Variants in WWOX observed in about 807,000 individuals in gnomAD.
The protein encoded by WWOX is WW domain containing oxidoreductase, also known as WW domain-containing oxidoreductase.
Under a neutral mutation model 46.2 loss-of-function variants are expected in WWOX, and 69 were observed. The ratio of observed to expected loss-of-function variants is 1.49; its 90% CI spans 1.23 to 1.82. WWOX has a LOEUF of 1.82. Ranked by LOEUF, WWOX falls within the 40% of genes most tolerant of loss-of-function variation. WWOX has a pLI of 0.00. For missense variants in WWOX, 919 were observed against 542.6 expected, an observed-to-expected ratio of 1.69 and a Z score of -6.89; for synonymous variants, 359 against 202.6, an observed-to-expected ratio of 1.77 and a Z score of -6.56.
At chr16:78,752,069 T>A in intron 8 of WWOX, among the ~76,000 whole-genome samples, 1 of 152,202 alleles carries the variant, frequency 6.6e-6, no homozygotes, top group Non-Finnish European at 1.5e-5. Flanking sequence ...ACATAAATTC[T>A]AACATTGGTA....
At chr16:79,070,510 G>A (rs964410685) in intron 8 of WWOX, among the ~76,000 whole-genome samples, 7 of 152,132 alleles carry the variant, frequency 4.6e-5, no homozygotes, top group African/African-American at 9.7e-5. Context: ...AGGGTGGAGC[G>A]TCTGCCTTCT....
At chr16:78,781,952 A>G (rs1227319709) in intron 8 of WWOX, among the ~76,000 whole-genome samples, 3 of 152,178 alleles carry the variant, frequency 2.0e-5, no homozygotes, top group Non-Finnish European at 4.4e-5. Context: ...TATTCTCTTC[A>G]TTCTCCAAGT....
intron 8 of WWOX, among the ~76,000 whole-genome samples, chr16:78,545,312 C>T (rs2044002378): frequency 6.6e-6 from 1 of 152,134 alleles, no homozygotes. Context: ...GAAATGGTTA[C>T]CTGCAGGGCG....
Position 78,897,111 on chromosome 16 carries a change from A to C in WWOX, c.1057-314497A>C, listed in dbSNP as rs144471668. On this transcript the variant is annotated intron_variant, in intron 8 of 8. Transcript: ENST00000566780. Reference sequence around the variant, plus strand: ...AAAAAAAAGAAAAAAATAGCTGGCCATTGTGACATATGCCTGTAACCGTAG... The same window carrying C: ...AAAAAAAAGAAAAAAATAGCTGGCCCTTGTGACATATGCCTGTAACCGTAG... The C allele has an allele frequency of 2.6e-5, 4 of 151,584 alleles. No individual in the cohort carries two copies. The East Asian group carries it at 5.8e-4, about 22-fold the overall frequency. 9.4% of individuals were successfully genotyped at this position (151,584 alleles called of 1,614,324 possible). A position where few individuals can be genotyped will look rare whatever the true frequency, so the allele number is the denominator to read the frequency against.
intron 8 of WWOX, among the ~76,000 whole-genome samples, chr16:78,996,863 C>G (rs1206136206): frequency 6.6e-6 from 1 of 152,208 alleles, no homozygotes; most frequent in Non-Finnish European, 1.5e-5. Flanking sequence ...GACACATGTG[C>G]CATAAATGCT....
intron 5 of WWOX, among the ~76,000 whole-genome samples, chr16:78,326,030 C>G (rs2080604847): frequency 1.3e-5 from 2 of 152,166 alleles, no homozygotes; most frequent in Non-Finnish European, 2.9e-5. Context: ...TCAGAGTTAT[C>G]TAGCATTGTA....
chr16:79,024,561 G>A (rs935625277), intron 8 of WWOX, among the ~76,000 whole-genome samples: 5 of 152,108 alleles, frequency 3.3e-5, no homozygotes, highest in African/African-American at 1.2e-4. Flanking sequence ...AGCCTCCCGA[G>A]TAGCTGGGAC....
chr16:79,083,546 C>G (rs1026871910), intron 8 of WWOX, among the ~76,000 whole-genome samples: 2 of 152,190 alleles, frequency 1.3e-5, no homozygotes, highest in African/African-American at 2.4e-5. Context: ...AAACCTCACA[C>G]CAGTGTTGTT....
chr16:78,420,944 C>T (rs930962517), intron 6 of WWOX, among the ~76,000 whole-genome samples: 39 of 152,104 alleles, frequency 2.6e-4, no homozygotes, highest in African/African-American at 8.7e-4. Flanking sequence ...ATTTTAATTT[C>T]CTGCTTTTTC....
intron 8 of WWOX, among the ~76,000 whole-genome samples, chr16:79,208,083 G>C (rs552947425): frequency 2.0e-5 from 3 of 152,314 alleles, no homozygotes; most frequent in South Asian, 2.1e-4. Context: ...TTTTGAAAGA[G>C]AATGATGAAT....
At chr16:78,894,084 G>C (rs2044650506) in intron 8 of WWOX, among the ~76,000 whole-genome samples, 1 of 145,548 alleles carries the variant, frequency 6.9e-6, no homozygotes, top group African/African-American at 2.5e-5. Flanking sequence ...TCTTGCCCAG[G>C]AAGGAGTGCA....
At chr16:78,335,363 C>G (rs543761845) in intron 5 of WWOX, among the ~76,000 whole-genome samples, 2 of 152,146 alleles carry the variant, frequency 1.3e-5, no homozygotes, top group Non-Finnish European at 2.9e-5. Flanking sequence ...CACTTATAAA[C>G]GAGAGCATGC....
At chr16:78,388,093 A>T (rs1241115034) in intron 6 of WWOX, among the ~76,000 whole-genome samples, 2 of 152,174 alleles carry the variant, frequency 1.3e-5, no homozygotes, top group African/African-American at 4.8e-5. Flanking sequence ...AACGTAGTGC[A>T]CAATCTCGCC....
intron 5 of WWOX, among the ~76,000 whole-genome samples, chr16:78,323,077 C>T (rs1428086207): frequency 6.6e-6 from 1 of 152,044 alleles, no homozygotes; most frequent in Non-Finnish European, 1.5e-5. Context: ...TCCTTACCTA[C>T]AGCCTGCTAT....
At position 78,556,093 on chromosome 16, in the gene WWOX, C is replaced by T. The variant is rs538234567; in HGVS notation, c.1056+123341C>T. Among the ~76,000 whole-genome samples, 108 of 152,098 alleles carry T rather than the reference C, an allele frequency of 7.1e-4. 1 individual carries two copies. The highest frequency in any genetic ancestry group is 7.2e-4 in the Non-Finnish European group (49 of 67,992). ...TTTCCTGAAGATTCATTCATTGTTC[C>T]ATAGGTACCTAGAGGGTCAATTAGA... On this transcript the variant is annotated intron_variant, in intron 8 of 8. Coordinates refer to ENST00000566780, the MANE Select transcript of WWOX (RefSeq NM_016373.4).
intron 5 of WWOX, among the ~76,000 whole-genome samples, chr16:78,203,568 T>G (rs62034006): frequency 0.13 from 20,341 of 152,148 alleles, 1,696 homozygotes; most frequent in Non-Finnish European, 0.18. Flanking sequence ...GCAAACTTGT[T>G]TTAGTTGACA....
intron 5 of WWOX, among the ~76,000 whole-genome samples, chr16:78,315,087 T>G (rs1409092549): frequency 6.6e-6 from 1 of 152,190 alleles, no homozygotes; most frequent in Non-Finnish European, 1.5e-5. Flanking sequence ...ATCTATCGAT[T>G]TCTCTTTTTT....
chr16:78,438,148 CT>C (rs572499104), intron 8 of WWOX, among the ~76,000 whole-genome samples: 244 of 152,224 alleles, frequency 1.6e-3, no homozygotes, highest in Admixed American at 3.9e-3. Flanking sequence ...TACCACGATG[CT>C]TTATGTATCA....
At chr16:78,518,931 T>G (rs2043293057) in intron 8 of WWOX, among the ~76,000 whole-genome samples, 1 of 152,216 alleles carries the variant, frequency 6.6e-6, no homozygotes, top group Non-Finnish European at 1.5e-5. Context: ...TGTGGTCTTC[T>G]GAAGTATAGG....
Sources: gnomAD v4.1 joint callset for allele counts (sites outside exome capture counted in the v4.1 genomes callset) on GRCh38, gnomAD v4.1.1 for gene constraint, MANE v1.5 for transcripts, NCBI Gene and HGNC (gene_info 2026-07-23, HGNC 2026-07-21) for gene names.